The following NPHP4 variants were observed in gnomAD, a reference collection of about 807,000 sequenced individuals.
The protein encoded by NPHP4 is nephrocystin-4.
A neutral mutation model predicts 155.8 loss-of-function variants in NPHP4; 151 were observed. The ratio of observed to expected loss-of-function variants is 0.97; its 90% CI spans 0.85 to 1.11. NPHP4 has a LOEUF of 1.11. Among genes scored for constraint, NPHP4 ranks in the 50% least tolerant of loss-of-function variants. The pLI is 0.00. For synonymous variants in NPHP4, 845 were observed against 816.8 expected (o/e 1.03, Z -0.59); for missense variants, 1,956 against 1,925.7 (o/e 1.02, Z -0.29).
rs114139049 is a variant in NPHP4, at chr1:5,874,042, C to T, written c.3231+429G>A. Among the ~76,000 whole-genome samples the T allele has an allele frequency of 6.0e-3, 915 of 152,078 alleles. 11 individuals carry two copies. Among genetic ancestry groups the T allele is most frequent in the African/African-American group, 0.019 (798 of 41,466 alleles). ...CTTGCACATATACCTGCTGCACGCA[C>T]GCTCCCTGCACACATGCTCCCTGCA... On this transcript the variant is annotated intron_variant, in intron 22 of 29. Coordinates refer to ENST00000378156, the MANE Select transcript of NPHP4 (RefSeq NM_015102.5).
At chr1:5,896,851 C>T (rs1050136908) in intron 16 of NPHP4, among the ~76,000 whole-genome samples, 6 of 152,118 alleles carry the variant, frequency 3.9e-5, no homozygotes, top group Admixed American at 6.5e-5. Context: ...AAGCAGGACG[C>T]GCTCAAAGTC....
chr1:5,981,853 G>A (rs1223437292), intron 2 of NPHP4, among the ~76,000 whole-genome samples: 1 of 152,040 alleles, frequency 6.6e-6, no homozygotes, highest in Non-Finnish European at 1.5e-5. Context: ...TATTTTCAGG[G>A]CTGCTGTGTT....
intron 9 of NPHP4, among the ~76,000 whole-genome samples, chr1:5,941,314 A>C (rs962865445): frequency 6.9e-6 from 1 of 144,100 alleles, no homozygotes; most frequent in Non-Finnish European, 1.5e-5. Context: ...AAAAAAAAAA[A>C]GGGCAGGAGA....
intron 3 of NPHP4, among the ~76,000 whole-genome samples, chr1:5,973,551 C>T (rs555629004): frequency 1.3e-5 from 2 of 152,298 alleles, no homozygotes; most frequent in South Asian, 4.1e-4. Flanking sequence ...CGCACCATTG[C>T]ACTCCAGCCT....
intron 9 of NPHP4, among the ~76,000 whole-genome samples, chr1:5,943,696 A>G (rs1646941144): frequency 6.6e-6 from 1 of 152,208 alleles, no homozygotes; most frequent in Non-Finnish European, 1.5e-5. Context: ...GGAAAAGCAC[A>G]TTGCTGGGGT....
rs115551811 is a variant in NPHP4, at chr1:5,876,770, G to A, written c.2817+323C>T. 8.0e-3 allele frequency: 2,354 copies of A among 293,472 alleles called. 52 individuals are homozygous for A. Among genetic ancestry groups the A allele is most frequent in the African/African-American group, 0.046 (2,131 of 46,478 alleles). The allele number at this position is 293,472 out of a possible 1,614,324, so 18.2% of individuals were successfully genotyped here. A position where few individuals can be genotyped will look rare whatever the true frequency, so the allele number is the denominator to read the frequency against. On this transcript the variant is annotated intron_variant, in intron 20 of 29. Transcript: ENST00000378156. ...ACCCAGGATATGTCAGTTGTTCACA[G>A]CTCTGGTCCCCAGACCTGGGAGAGC... is the stretch of plus-strand genomic sequence containing the variant.
At position 5,964,941 on chromosome 1, in the gene NPHP4, A is replaced by ATATTTTT; in HGVS notation, c.517+2357_517+2358insAAAAATA. ...ATTATATATATATATATATATATAT[A>ATATTTTT]TTTTTTTTTTTTGAGGCAGGGTCTC... is the stretch of plus-strand genomic sequence containing the variant. On this transcript the variant is annotated intron_variant, in intron 5 of 29. Coordinates refer to ENST00000378156, the MANE Select transcript of NPHP4 (RefSeq NM_015102.5). 2.1e-3 allele frequency among the ~76,000 whole-genome samples: 126 copies of ATATTTTT among 59,402 alleles called. 5 individuals carry two copies. The highest frequency in any genetic ancestry group is 9.7e-3 in the African/African-American group (114 of 11,780). The allele number at this position is 59,402 out of a possible 152,430, so 39.0% of individuals were successfully genotyped here.
intron 6 of NPHP4, among the ~76,000 whole-genome samples, chr1:5,953,593 A>T (rs1203085640): frequency 6.6e-6 from 1 of 152,244 alleles, no homozygotes; most frequent in Non-Finnish European, 1.5e-5. Context: ...AGCAGGCATG[A>T]GCCTGTCAAG....
intron 11 of NPHP4, among the ~76,000 whole-genome samples, chr1:5,919,017 G>A (rs993534685): frequency 6.6e-6 from 1 of 152,172 alleles, no homozygotes; most frequent in African/African-American, 2.4e-5. Context: ...ATGGTCCACA[G>A]GTCGATTCAG....
At chr1:5,975,357 T>A (rs1653357306) in intron 3 of NPHP4, among the ~76,000 whole-genome samples, 2 of 152,196 alleles carry the variant, frequency 1.3e-5, no homozygotes, top group Admixed American at 1.3e-4. Flanking sequence ...ACCACTGGCC[T>A]CTGCTGCCCA....
chr1:5,885,662 C>T (rs569088401), intron 18 of NPHP4, among the ~76,000 whole-genome samples: 1 of 152,354 alleles, frequency 6.6e-6, no homozygotes, highest in South Asian at 2.1e-4. Context: ...ACTGTGAATG[C>T]AGCTGGCCCA....
chr1:5,867,943 A>G lies in NPHP4; in HGVS notation c.3316-47T>C, dbSNP rs1010648834. ...TGTTGGGATGGGCACGAGGCTTGTG[A>G]GCAGCTTCTTGTCCCTCCTTAGACA... is the stretch of plus-strand genomic sequence containing the variant. On this transcript the variant is annotated intron_variant, in intron 23 of 29. Coordinates refer to ENST00000378156, the MANE Select transcript of NPHP4 (RefSeq NM_015102.5). The surrounding 1 kb of genome is among the most constrained non-coding windows in gnomAD (Gnocchi z 4.1). 1.2e-6 allele frequency: 2 copies of G among 1,607,314 alleles called. No individual in the cohort carries two copies. Among genetic ancestry groups the G allele is most frequent in the African/African-American group, 1.3e-5 (1 of 74,762 alleles).
At chr1:5,949,096 T>C (rs1280616762) in intron 7 of NPHP4, among the ~76,000 whole-genome samples, 1 of 152,128 alleles carries the variant, frequency 6.6e-6, no homozygotes, top group African/African-American at 2.4e-5. Context: ...AATACAAAGA[T>C]AGTAAAAATA....
rs962051693 is a variant in NPHP4 at position 5,879,830 on chromosome 1, C to G, written c.2611+284G>C. 4.6e-5 allele frequency among the ~76,000 whole-genome samples: 5 copies of G among 109,166 alleles called. No homozygotes were observed. In the South Asian group the frequency reaches 1.4e-3, roughly 31 times the overall value. 71.6% of individuals were successfully genotyped at this position (109,166 alleles called of 152,430 possible). A position where few individuals can be genotyped will look rare whatever the true frequency, so the allele number is the denominator to read the frequency against. ...ACACACACGCAAACACACACACACA[C>G]GCAAACACACACAGACACGCACACA... On this transcript the variant is annotated intron_variant, in intron 19 of 29. Transcript: ENST00000378156.
In NPHP4 at chr1:5,880,187, T is replaced by C. The variant is rs1361552241; in HGVS notation, c.2538A>G (p.Arg846=). ...VRGCSTLPPS[R]SRVISNDGAS... Reference sequence around the variant, plus strand: ...CTCCATCGTTTGAGATGACCCGAGATCTGGACGGTGGCAATGTGCTACAAC... The same window carrying C: ...CTCCATCGTTTGAGATGACCCGAGACCTGGACGGTGGCAATGTGCTACAAC... Residue 846 remains arginine (R), a synonymous_variant, in exon 19 of 30, where the codon AGA becomes AGG. Coordinates refer to ENST00000378156, the MANE Select transcript of NPHP4 (RefSeq NM_015102.5). The C allele has an allele frequency of 6.2e-7, 1 of 1,613,742 alleles. No individual in the cohort carries two copies. Among genetic ancestry groups the C allele is most frequent in the Non-Finnish European group, 8.5e-7 (1 of 1,179,774 alleles).
intron 18 of NPHP4, chr1:5,880,957 A>C (rs1643224591): frequency 6.6e-6 from 1 of 152,336 alleles, no homozygotes; most frequent in Non-Finnish European, 1.5e-5. Flanking sequence ...CAGGGTACGC[A>C]CAAAATGCTT....
Position 5,867,523 on chromosome 1 carries a change from G to A in NPHP4, c.3472+217C>T. Reference sequence around the variant, plus strand: ...GGAGCTGGGATTTTTTAGAAGGGCAGACTCAGCCGGCAAATGCGCACCTAG... The same window carrying A: ...GGAGCTGGGATTTTTTAGAAGGGCAAACTCAGCCGGCAAATGCGCACCTAG... On this transcript the variant is annotated intron_variant, in intron 24 of 29. Transcript: ENST00000378156. The surrounding 1 kb of genome is among the most constrained non-coding windows in gnomAD (Gnocchi z 4.1). 1 of 602,472 alleles carries A rather than the reference G, an allele frequency of 1.7e-6. No homozygotes were observed. The highest frequency in any genetic ancestry group is 2.9e-6 in the Non-Finnish European group (1 of 343,250). The allele number at this position is 602,472 out of a possible 1,614,324, so 37.3% of individuals were successfully genotyped here.
At chr1:5,927,584 C>T in intron 11 of NPHP4, 65 bp downstream of exon 11, 1 of 1,519,574 alleles carries the variant, frequency 6.6e-7, no homozygotes, top group Non-Finnish European at 9.0e-7. Flanking sequence ...AGTACCTTTC[C>T]CCGGGAAGAG....
In NPHP4 at chr1:5,923,173, C is replaced by T. The variant is rs113384419; in HGVS notation, c.1441+4476G>A. 4.1e-3 allele frequency among the ~76,000 whole-genome samples: 627 copies of T among 152,232 alleles called. 5 individuals carry two copies. The highest frequency in any genetic ancestry group is 0.014 in the African/African-American group (591 of 41,534). ...ACAGCTAGAAGACGCTTTCAAACCC[C>T]GGGATGATCGGCCCCGGTGGGGATG... On this transcript the variant is annotated intron_variant, in intron 11 of 29. Coordinates refer to ENST00000378156, the MANE Select transcript of NPHP4 (RefSeq NM_015102.5).
Sources: gnomAD v4.1 joint callset for allele counts (sites outside exome capture counted in the v4.1 genomes callset) on GRCh38, gnomAD v4.1.1 for gene constraint, Gnocchi (gnomAD v3.1) non-coding constraint, MANE v1.5 for transcripts, NCBI Gene and HGNC (gene_info 2026-07-23, HGNC 2026-07-21) for gene names.